The following AGPS variants were observed in gnomAD, a reference collection of about 807,000 sequenced individuals.
AGPS encodes the protein alkyldihydroxyacetonephosphate synthase, peroxisomal.
AGPS carries 26 observed loss-of-function variants against 90.7 expected under a neutral mutation model. The ratio of observed to expected loss-of-function variants is 0.29; its 90% CI spans 0.21 to 0.40. The LOEUF (loss-of-function observed/expected upper bound fraction) is 0.40, where lower values mean the gene tolerates loss of function less well. Ranked by LOEUF, AGPS falls within the 10% of genes least tolerant of loss-of-function variation. The pLI is 1.00. For missense variants in AGPS, 540 were observed against 816.1 expected, an observed-to-expected ratio of 0.66 and a Z score of 4.12; for synonymous variants, 294 against 285.3, an observed-to-expected ratio of 1.03 and a Z score of -0.31.
chr2:177,427,895 C>T (rs1374922174), intron 2 of AGPS, among the ~76,000 whole-genome samples: 4 of 152,108 alleles, frequency 2.6e-5, no homozygotes, highest in African/African-American at 7.2e-5. Flanking sequence ...AATTTTCTGT[C>T]TCAGTGATCT....
chr2:177,403,007 A>G (rs1685371837), intron 1 of AGPS, among the ~76,000 whole-genome samples: 1 of 152,196 alleles, frequency 6.6e-6, no homozygotes. Context: ...CAGTGAGCCG[A>G]GATCATGCCA....
intron 11 of AGPS, among the ~76,000 whole-genome samples, chr2:177,489,782 A>C (rs967409972): frequency 6.6e-6 from 1 of 152,226 alleles, no homozygotes; most frequent in African/African-American, 2.4e-5. Flanking sequence ...TCATTAGCTC[A>C]GTTTTAGTAA....
At chr2:177,393,523 C>G (rs1685085091) in intron 1 of AGPS, 1 of 985,352 alleles carries the variant, frequency 1.0e-6, no homozygotes, top group South Asian at 4.7e-5. Context: ...AAGGTGCTGA[C>G]TGGTTTCTGT....
chr2:177,487,049 C>T (rs1015639445), intron 11 of AGPS, among the ~76,000 whole-genome samples: 1 of 152,090 alleles, frequency 6.6e-6, no homozygotes, highest in Non-Finnish European at 1.5e-5. Context: ...TTTTAATCAG[C>T]ATATCAGTGT....
chr2:177,455,057 A>T (rs1188494760), intron 8 of AGPS, among the ~76,000 whole-genome samples: 1 of 151,976 alleles, frequency 6.6e-6, no homozygotes, highest in Non-Finnish European at 1.5e-5. Context: ...GTGGCCCAAG[A>T]CAATTCTTCT....
intron 10 of AGPS, among the ~76,000 whole-genome samples, chr2:177,481,389 TG>T (rs1464667325): frequency 2.0e-5 from 3 of 151,890 alleles, no homozygotes; most frequent in Non-Finnish European, 4.4e-5. Flanking sequence ...TGTTTTGTTT[TG>T]TTTTTTTGTT....
rs988452018 is a variant in AGPS, at chr2:177,462,133, G to C, written c.996+115G>C. ...GGCCTGGGCGCGGTGGCCAATGCCT[G>C]TAATCCCAGCACTTTGGGAGGCCGA... On this transcript the variant is annotated intron_variant, in intron 9 of 19. Coordinates refer to ENST00000264167, the MANE Select transcript of AGPS (RefSeq NM_003659.4). 23 of 886,404 alleles carry C rather than the reference G, an allele frequency of 2.6e-5. No homozygotes were observed. In the Admixed American group the frequency reaches 5.4e-4, roughly 21 times the overall value. 54.9% of individuals were successfully genotyped at this position (886,404 alleles called of 1,614,324 possible).
chr2:177,476,138 T>A (rs1212454282), intron 10 of AGPS, among the ~76,000 whole-genome samples: 1 of 152,102 alleles, frequency 6.6e-6, no homozygotes, highest in East Asian at 1.9e-4. Context: ...TTGGTTTCAT[T>A]GATTATTTTT....
chr2:177,432,622 G>T (rs1686276776), intron 2 of AGPS, among the ~76,000 whole-genome samples: 1 of 152,168 alleles, frequency 6.6e-6, no homozygotes, highest in South Asian at 2.1e-4. Context: ...AGTGATAGAA[G>T]GTAGTTTTAA....
chr2:177,412,871 CT>C (rs1685659100), intron 1 of AGPS, among the ~76,000 whole-genome samples: 1 of 152,132 alleles, frequency 6.6e-6, no homozygotes, highest in African/African-American at 2.4e-5. Flanking sequence ...TTAGGATGAA[CT>C]TGGGCACTTA....
At chr2:177,496,011 A>G (rs1201272252) in intron 12 of AGPS, among the ~76,000 whole-genome samples, 2 of 151,990 alleles carry the variant, frequency 1.3e-5, no homozygotes, top group East Asian at 3.8e-4. Context: ...AAAAAGTAAA[A>G]GATAATATTA....
At chr2:177,488,613 A>T (rs183730070) in intron 11 of AGPS, among the ~76,000 whole-genome samples, 5 of 152,138 alleles carry the variant, frequency 3.3e-5, no homozygotes, top group African/African-American at 7.2e-5. Context: ...TCTAGTGAGG[A>T]TGTTGCATAT....
chr2:177,418,965 A>G (rs2105607724), intron 1 of AGPS, among the ~76,000 whole-genome samples: 1 of 152,092 alleles, frequency 6.6e-6, no homozygotes, highest in Middle Eastern at 3.4e-3. Flanking sequence ...TTTATAACTA[A>G]TCTACAAATC....
chr2:177,451,962 A>T (rs113813401), intron 8 of AGPS, among the ~76,000 whole-genome samples: 1 of 3,248 alleles, frequency 3.1e-4, no homozygotes, highest in Non-Finnish European at 8.5e-4. Context: ...TATATATGTT[A>T]TTTAGTTCCC....
At chr2:177,531,581 T>A (rs1033788394) in intron 19 of AGPS, among the ~76,000 whole-genome samples, 2 of 152,178 alleles carry the variant, frequency 1.3e-5, no homozygotes, top group South Asian at 4.1e-4. Flanking sequence ...TCCAAATTGA[T>A]CTATCTGTTT....
chr2:177,439,155 A>C (rs1245259796), intron 5 of AGPS, among the ~76,000 whole-genome samples: 2 of 152,218 alleles, frequency 1.3e-5, no homozygotes, highest in Non-Finnish European at 2.9e-5. Flanking sequence ...AGTGGCTTAA[A>C]CACCAGAACT....
intron 1 of AGPS, among the ~76,000 whole-genome samples, chr2:177,395,502 G>T (rs1685147468): frequency 6.6e-6 from 1 of 152,236 alleles, no homozygotes; most frequent in African/African-American, 2.4e-5. Flanking sequence ...ACTTGTATTA[G>T]ATGACACATC....
intron 2 of AGPS, among the ~76,000 whole-genome samples, chr2:177,425,363 G>A (rs566016505): frequency 2.6e-5 from 4 of 152,186 alleles, no homozygotes; most frequent in African/African-American, 4.8e-5. Flanking sequence ...GCTCACACCC[G>A]TAATCCCAGC....
intron 1 of AGPS, among the ~76,000 whole-genome samples, chr2:177,408,413 A>C (rs1186981718): frequency 6.6e-6 from 1 of 152,242 alleles, no homozygotes; most frequent in Non-Finnish European, 1.5e-5. Flanking sequence ...TTTTATAAAC[A>C]TACATGAACT....
Sources: gnomAD v4.1 joint callset for allele counts (sites outside exome capture counted in the v4.1 genomes callset) on GRCh38, gnomAD v4.1.1 for gene constraint, MANE v1.5 for transcripts, NCBI Gene and HGNC (gene_info 2026-07-23, HGNC 2026-07-21) for gene names.